The following AFG1L variants were observed in gnomAD, a reference collection of about 807,000 sequenced individuals.
The protein encoded by AFG1L is AFG1 like ATPase.
Under a neutral mutation model 62.2 loss-of-function variants are expected in AFG1L, and 53 were observed. That is an observed-to-expected ratio of 0.85 (90% CI 0.68 to 1.07). AFG1L has a LOEUF of 1.07. AFG1L is among the 50% of genes least tolerant of loss of function. AFG1L has a pLI of 0.00. For missense variants in AFG1L, 555 were observed against 590.5 expected, an observed-to-expected ratio of 0.94 and a Z score of 0.62; for synonymous variants, 228 against 210.3, an observed-to-expected ratio of 1.08 and a Z score of -0.73.
At chr6:108,479,611 G>A (rs1180256243) in intron 10 of AFG1L, among the ~76,000 whole-genome samples, 1 of 152,160 alleles carries the variant, frequency 6.6e-6, no homozygotes, top group African/African-American at 2.4e-5. Flanking sequence ...CCTTGTAACT[G>A]CAATTCAGAT....
At chr6:108,508,614 A>T (rs1416004276) in intron 10 of AFG1L, among the ~76,000 whole-genome samples, 1 of 152,062 alleles carries the variant, frequency 6.6e-6, no homozygotes. Context: ...CCTTCTTAGA[A>T]CTGCTCTCTA....
rs752230619 is a variant in AFG1L at position 108,324,044 on chromosome 6, CA to C, written c.362del (p.Lys121SerfsTer25). 2.9e-5 allele frequency: 47 copies of C among 1,605,450 alleles called. No homozygotes were observed. The highest frequency in any genetic ancestry group is 3.8e-5 in the Non-Finnish European group (45 of 1,173,164). Reference protein sequence around the residue: ...GYNIEAEGLFSKLFSRSKPPR... With the variant: ...GYNIEAEGLFXKLFSRSKPPR... ...AATATAGAGGCAGAAGGCCTTTTTT[CA>C]AAGGTGAGGCTTGTGTGATATGAAA... On this transcript the variant is annotated frameshift_variant, in exon 2 of 13. Coordinates refer to ENST00000368977, the MANE Select transcript of AFG1L (RefSeq NM_145315.5). LOFTEE classifies it high-confidence loss of function.
chr6:108,402,112 C>T (rs545173100), intron 7 of AFG1L, 58 bp downstream of exon 7: 9 of 823,892 alleles, frequency 1.1e-5, no homozygotes, highest in African/African-American at 3.6e-5. Context: ...TAATCAAGGG[C>T]TTTAGTAGGA....
At chr6:108,472,134 T>C (rs1772921508) in intron 8 of AFG1L, among the ~76,000 whole-genome samples, 1 of 152,074 alleles carries the variant, frequency 6.6e-6, no homozygotes, top group African/African-American at 2.4e-5. Flanking sequence ...TGGGATCTTC[T>C]AAAAAAGTCA....
rs991928582 is a variant in AFG1L, at chr6:108,384,550, A to G, written c.749-17446A>G. ...TCACAGTATAACATTCACGAGGTCC[A>G]GGATACAATCCAAAATTGAAAATGA... On this transcript the variant is annotated intron_variant, in intron 6 of 12. Coordinates refer to ENST00000368977, the MANE Select transcript of AFG1L (RefSeq NM_145315.5). 3.9e-5 allele frequency among the ~76,000 whole-genome samples: 6 copies of G among 152,252 alleles called. No individual in the cohort carries two copies. In the East Asian group the frequency reaches 1.2e-3, roughly 29 times the overall value.
chr6:108,517,751 T>C (rs976895863), intron 11 of AFG1L, among the ~76,000 whole-genome samples: 21 of 151,998 alleles, frequency 1.4e-4, no homozygotes, highest in African/African-American at 4.4e-4. Flanking sequence ...TGCAATCTAC[T>C]CATCTGACAA....
intron 3 of AFG1L, among the ~76,000 whole-genome samples, chr6:108,348,773 T>C (rs1778965421): frequency 6.6e-6 from 1 of 152,218 alleles, no homozygotes; most frequent in Non-Finnish European, 1.5e-5. Context: ...CCTGAGAACA[T>C]CTACTTCCAG....
chr6:108,514,256 CG>C (rs1316829978), intron 11 of AFG1L, among the ~76,000 whole-genome samples: 1 of 152,070 alleles, frequency 6.6e-6, no homozygotes, highest in East Asian at 1.9e-4. Flanking sequence ...GAACAAAGAT[CG>C]GGTTATCCAC....
At chr6:108,416,929 TAATA>T (rs1440195892) in intron 7 of AFG1L, among the ~76,000 whole-genome samples, 3 of 151,134 alleles carry the variant, frequency 2.0e-5, no homozygotes, top group African/African-American at 4.9e-5. Context: ...ATAATAATAA[TAATA>T]AATAAATAAA....
At chr6:108,328,306 G>T (rs1778136738) in intron 2 of AFG1L, among the ~76,000 whole-genome samples, 1 of 152,148 alleles carries the variant, frequency 6.6e-6, no homozygotes, top group African/African-American at 2.4e-5. Context: ...TACTCAACTG[G>T]ATATTTTGGT....
At chr6:108,420,176 T>C (rs1393279891) in intron 7 of AFG1L, among the ~76,000 whole-genome samples, 2 of 152,104 alleles carry the variant, frequency 1.3e-5, no homozygotes, top group African/African-American at 4.8e-5. Flanking sequence ...AGTGTGATAA[T>C]GTCTTTACTT....
intron 5 of AFG1L, among the ~76,000 whole-genome samples, chr6:108,364,260 T>C (rs561285775): frequency 2.0e-5 from 3 of 152,316 alleles, no homozygotes; most frequent in Non-Finnish European, 2.9e-5. Flanking sequence ...CAAAAGAGTA[T>C]ACATTGGCAC....
rs933062406 is a variant in AFG1L at position 108,523,182 on chromosome 6, T to C, written c.*757T>C. The C allele has an allele frequency of 1.4e-5, 1 of 73,912 alleles. No homozygotes were observed. Among genetic ancestry groups the C allele is most frequent in the Non-Finnish European group, 2.7e-5 (1 of 36,584 alleles). The allele number at this position is 73,912 out of a possible 1,614,324, so 4.6% of individuals were successfully genotyped here. A position where few individuals can be genotyped will look rare whatever the true frequency, so the allele number is the denominator to read the frequency against. On this transcript the variant is annotated 3_prime_UTR_variant, in exon 13 of 13. Transcript: ENST00000368977. ...CAGTGAGAGAGTGTGGGCGGGGGGG[T>C]GGGTGTCAGAGTCGTAGGCACTCCA...
chr6:108,319,998 T>A (rs985467619), intron 1 of AFG1L, among the ~76,000 whole-genome samples: 1 of 152,118 alleles, frequency 6.6e-6, no homozygotes, highest in Non-Finnish European at 1.5e-5. Flanking sequence ...CCCTTTCCAC[T>A]TTTCTCTTTA....
intron 8 of AFG1L, among the ~76,000 whole-genome samples, chr6:108,462,185 T>G (rs916631027): frequency 5.3e-5 from 8 of 152,120 alleles, no homozygotes; most frequent in African/African-American, 1.9e-4. Context: ...GTGGATTGCT[T>G]GAGCCCAGGA....
chr6:108,335,429 T>TGA (rs982065349), intron 2 of AFG1L, among the ~76,000 whole-genome samples: 1 of 152,222 alleles, frequency 6.6e-6, no homozygotes, highest in Admixed American at 6.5e-5. Context: ...TGTATCTGTG[T>TGA]GAGAGTGTAG....
intron 1 of AFG1L, among the ~76,000 whole-genome samples, chr6:108,298,823 GAGAATACTGGA>G (rs565415489): frequency 1.2e-4 from 18 of 152,308 alleles, no homozygotes; most frequent in African/African-American, 4.3e-4. Flanking sequence ...GCCTGGATGG[GAGAATACTGGA>G]AGCTGGGTGA....
chr6:108,330,576 A>G (rs569088786), intron 2 of AFG1L, among the ~76,000 whole-genome samples: 14 of 152,296 alleles, frequency 9.2e-5, no homozygotes, highest in African/African-American at 3.4e-4. Flanking sequence ...CATTGTTGAA[A>G]GAAGAGTGGA....
chr6:108,433,091 A>C (rs1280010783), intron 7 of AFG1L, among the ~76,000 whole-genome samples: 1 of 152,200 alleles, frequency 6.6e-6, no homozygotes, highest in Non-Finnish European at 1.5e-5. Context: ...CCGTGGGATG[A>C]AATTGTTACT....
Sources: allele counts gnomAD v4.1 joint callset (sites outside exome capture counted in the v4.1 genomes callset), GRCh38; gene constraint gnomAD v4.1.1; transcripts MANE v1.5; gene names NCBI Gene and HGNC (gene_info 2026-07-23, HGNC 2026-07-21).